The following FRMPD1 variants were observed in gnomAD, a reference collection of about 807,000 sequenced individuals.
FRMPD1 encodes FERM and PDZ domain containing 1, also known as FERM and PDZ domain-containing protein 1.
Under a neutral mutation model 117.8 loss-of-function variants are expected in FRMPD1, and 76 were observed. The observed-to-expected ratio is 0.65, with a 90% CI of 0.54 to 0.78. FRMPD1 has a LOEUF of 0.78. FRMPD1 is among the 30% of genes least tolerant of loss of function. FRMPD1 has a pLI of 0.00. For synonymous variants in FRMPD1, 783 were observed against 770.4 expected (o/e 1.02, Z -0.27); for missense variants, 1,786 against 1,964.5 (o/e 0.91, Z 1.72).
chr9:37,616,053 G>A, the FRMPD1 span, among the ~76,000 whole-genome samples: 1 of 150,442 alleles, frequency 6.6e-6, no homozygotes, highest in African/African-American at 2.4e-5. Context: ...CTGACCTCAA[G>A]TGATCCACCC....
intron 2 of FRMPD1, among the ~76,000 whole-genome samples, chr9:37,703,014 T>C (rs1366750581): frequency 6.6e-6 from 1 of 152,208 alleles, no homozygotes; most frequent in Non-Finnish European, 1.5e-5. Context: ...TACTCTGTTC[T>C]AGAACTTTAC....
the FRMPD1 span, among the ~76,000 whole-genome samples, chr9:37,608,389 T>TC: frequency 1.3e-5 from 2 of 151,698 alleles, no homozygotes; most frequent in Admixed American, 6.6e-5. Flanking sequence ...TTTCTTTCTT[T>TC]TTTTTTTTCT....
Position 37,743,198 on chromosome 9 carries a change from T to G in FRMPD1, c.2357-1191T>G, listed in dbSNP as rs73447208. Among the ~76,000 whole-genome samples the G allele has an allele frequency of 5.6e-3, 849 of 151,252 alleles. 13 individuals are homozygous for G. Among genetic ancestry groups the G allele is most frequent in the African/African-American group, 0.02 (819 of 41,042 alleles). The stretch of plus-strand genomic sequence containing the variant: ...TGCCTGTGACAGAGTTGTGGCCCCT[T>G]TACATTCAGACATGAAATGGCAATA... On this transcript the variant is annotated intron_variant, in intron 15 of 15. Coordinates refer to ENST00000377765, the MANE Select transcript of FRMPD1 (RefSeq NM_014907.3).
intron 2 of FRMPD1, among the ~76,000 whole-genome samples, chr9:37,705,626 T>C (rs980061195): frequency 1.3e-5 from 2 of 152,140 alleles, no homozygotes; most frequent in African/African-American, 4.8e-5. Flanking sequence ...ACTTTTAGTA[T>C]AGAGTGTTAT....
chr9:37,734,243 G>A (rs552310361), intron 12 of FRMPD1, among the ~76,000 whole-genome samples: 1 of 152,296 alleles, frequency 6.6e-6, no homozygotes, highest in South Asian at 2.1e-4. Flanking sequence ...AGAGGAAAAG[G>A]CATTCTGGGT....
rs113220627 is a variant in FRMPD1, at chr9:37,746,772, A to G, written c.*3A>G. Reference sequence around the variant, plus strand: ...TCCGGGCATCCACGGCCCTGTAAACAGGTCAACGGCCCAAGGGCCTCCTGC... The same window carrying G: ...TCCGGGCATCCACGGCCCTGTAAACGGGTCAACGGCCCAAGGGCCTCCTGC... On this transcript the variant is annotated 3_prime_UTR_variant, in exon 16 of 16. Coordinates refer to ENST00000377765, the MANE Select transcript of FRMPD1 (RefSeq NM_014907.3). 1,430 of 1,611,060 alleles carry G rather than the reference A, an allele frequency of 8.9e-4. 12 individuals carry two copies. In the African/African-American group the frequency reaches 0.017, roughly 19 times the overall value.
At chr9:37,683,951 G>A (rs902067150) in intron 1 of FRMPD1, among the ~76,000 whole-genome samples, 1 of 149,230 alleles carries the variant, frequency 6.7e-6, no homozygotes, top group Non-Finnish European at 1.5e-5. Flanking sequence ...TGAAGTTGGT[G>A]GGTAGGCAGG....
rs575805276 is a variant in FRMPD1 at position 37,744,514 on chromosome 9, G to A, written c.2482G>A (p.Val828Met). Residue 828 changes from valine to methionine, a missense_variant, in exon 16 of 16, where the codon GTG becomes ATG. Transcript: ENST00000377765. ...AAGACAGCCAAGCAGGAGGGGAGGG[G>A]TGAAGAAATATGCCAAGACCCTGAG... is the stretch of plus-strand genomic sequence containing the variant. ...DGRQPSRRGG[V>M]KKYAKTLRKR... 6.2e-7 allele frequency: 1 copy of A among 1,614,120 alleles called. No homozygotes were observed. Among genetic ancestry groups the A allele is most frequent in the East Asian group, 2.2e-5 (1 of 44,880 alleles).
chr9:37,706,936 G>GTCCGTCCA (rs1045176872), intron 2 of FRMPD1, among the ~76,000 whole-genome samples: 5 of 150,048 alleles, frequency 3.3e-5, no homozygotes, highest in African/African-American at 1.2e-4. Context: ...CTGTCAGTCC[G>GTCCGTCCA]TCCATCCATC....
intron 4 of FRMPD1, among the ~76,000 whole-genome samples, chr9:37,710,404 C>G (rs543131322): frequency 6.6e-6 from 1 of 152,102 alleles, no homozygotes; most frequent in Non-Finnish European, 1.5e-5. Context: ...CTGTTCTGGC[C>G]GCTAATATAA....
At position 37,744,457 on chromosome 9, in the gene FRMPD1, C is replaced by T. The variant is rs1406660489; in HGVS notation, c.2425C>T (p.Pro809Ser). 2 of 1,613,922 alleles carry T rather than the reference C, an allele frequency of 1.2e-6. No homozygotes were observed. The highest frequency in any genetic ancestry group is 2.2e-5 in the East Asian group (1 of 44,892). The stretch of plus-strand genomic sequence containing the variant: ...GCAGAATAAGGCCAGCACTTCTAGC[C>T]CTGAGAACAGCCTGCCTTGTGGGCC... ...SLQNKASTSS[P>S]ENSLPCGPDG... The change falls in exon 16 of 16, where the codon CCT becomes TCT. Residue 809 changes from proline to serine, a missense_variant. Physicochemically the swap from Pro to Ser is moderately conservative, Grantham distance 74. Transcript: ENST00000377765.
At chr9:37,691,865 C>T (rs1276405690) in intron 1 of FRMPD1, among the ~76,000 whole-genome samples, 1 of 152,168 alleles carries the variant, frequency 6.6e-6, no homozygotes, top group African/African-American at 2.4e-5. Flanking sequence ...CAAGATCGTG[C>T]CACTGCACTC....
chr9:37,650,587 G>A (rs1820637702), upstream of FRMPD1, among the ~76,000 whole-genome samples: 1 of 152,218 alleles, frequency 6.6e-6, no homozygotes, highest in Admixed American at 6.5e-5. Context: ...GTGAGAAGGG[G>A]GTCGTTTTGG....
At chr9:37,676,100 G>A (rs10124252) in intron 1 of FRMPD1, among the ~76,000 whole-genome samples, 24,070 of 152,126 alleles carry the variant, frequency 0.16, 2,657 homozygotes, top group East Asian at 0.47. Context: ...TCTGCGCTCC[G>A]CATCACTTTT....
At chr9:37,621,321 A>G in the FRMPD1 span, among the ~76,000 whole-genome samples, 1 of 152,202 alleles carries the variant, frequency 6.6e-6, no homozygotes, top group Non-Finnish European at 1.5e-5. Flanking sequence ...AATGGGACAG[A>G]CCACCCAGAG....
chr9:37,692,528 C>T (rs1024092409), intron 1 of FRMPD1, 110 bp from the exon 2 acceptor site: 12 of 756,832 alleles, frequency 1.6e-5, no homozygotes, highest in African/African-American at 8.6e-5. Flanking sequence ...ACTAGTTATT[C>T]GATTAGCATG....
intron 1 of FRMPD1, among the ~76,000 whole-genome samples, chr9:37,691,349 T>C (rs72724119): frequency 0.15 from 22,681 of 152,176 alleles, 1,822 homozygotes; most frequent in Middle Eastern, 0.19. Flanking sequence ...CCCTAATTCC[T>C]GAGCCACTGG....
At chr9:37,682,207 G>A (rs1308252235) in intron 1 of FRMPD1, among the ~76,000 whole-genome samples, 1 of 152,214 alleles carries the variant, frequency 6.6e-6, no homozygotes, top group Non-Finnish European at 1.5e-5. Flanking sequence ...GTTTGAGGAA[G>A]TTTTTTAACC....
At chr9:37,652,580 G>A (rs1820711599) in intron 1 of FRMPD1, among the ~76,000 whole-genome samples, 2 of 152,192 alleles carry the variant, frequency 1.3e-5, no homozygotes, top group South Asian at 2.1e-4. Flanking sequence ...GCTGGTGAGG[G>A]TGTGCTTGGT....
Sources: gnomAD v4.1 joint callset for allele counts (sites outside exome capture counted in the v4.1 genomes callset) on GRCh38, gnomAD v4.1.1 for gene constraint, MANE v1.5 for transcripts, NCBI Gene and HGNC (gene_info 2026-07-23, HGNC 2026-07-21) for gene names.